PHTF2: variants seen among roughly 807,000 people sequenced by gnomAD.
PHTF2 encodes the protein putative homeodomain transcription factor 2, also known as protein PHTF2.
Under a neutral mutation model 101.2 loss-of-function variants are expected in PHTF2, and 60 were observed. The observed-to-expected ratio is 0.59, with a 90% CI of 0.48 to 0.73. The LOEUF (loss-of-function observed/expected upper bound fraction) is 0.73, where lower values mean the gene tolerates loss of function less well. Among genes scored for constraint, PHTF2 ranks in the 30% least tolerant of loss-of-function variants. PHTF2 has a pLI of 0.00. For missense variants in PHTF2, 747 were observed against 908.7 expected, an observed-to-expected ratio of 0.82 and a Z score of 2.29; for synonymous variants, 311 against 307.3, an observed-to-expected ratio of 1.01 and a Z score of -0.13.
At chr7:77,856,073 TA>T (rs1339642975) in intron 3 of PHTF2, among the ~76,000 whole-genome samples, 2 of 152,208 alleles carry the variant, frequency 1.3e-5, no homozygotes, top group African/African-American at 4.8e-5. Context: ...ATAACCTAAA[TA>T]TGATTTCTTG....
intron 2 of PHTF2, among the ~76,000 whole-genome samples, chr7:77,850,580 T>C (rs1796677398): frequency 6.9e-6 from 1 of 145,156 alleles, no homozygotes; most frequent in African/African-American, 2.6e-5. Context: ...AGATTGAGGC[T>C]GCAGTGGGCC....
At chr7:77,948,119 C>T (rs1202389192) in intron 16 of PHTF2, among the ~76,000 whole-genome samples, 1 of 151,906 alleles carries the variant, frequency 6.6e-6, no homozygotes, top group Non-Finnish European at 1.5e-5. Flanking sequence ...GGATTACAGG[C>T]GTGAGCCACT....
intron 3 of PHTF2, among the ~76,000 whole-genome samples, chr7:77,880,607 A>T (rs1427494057): frequency 1.3e-5 from 2 of 150,854 alleles, no homozygotes; most frequent in Non-Finnish European, 3.0e-5. Context: ...GACTCTCCTC[A>T]CCCCCACAAC....
intron 5 of PHTF2, among the ~76,000 whole-genome samples, chr7:77,897,340 G>GT (rs561338306): frequency 9.2e-4 from 128 of 139,280 alleles, no homozygotes; most frequent in African/African-American, 3.2e-3. Flanking sequence ...TACTTAGAGA[G>GT]TTTTTTTTAA....
At chr7:77,798,833 G>T (rs2150444325) in exon 1 of PHTF2, 1 of 152,556 alleles carries the variant, frequency 6.6e-6, no homozygotes, top group South Asian at 2.1e-4. Flanking sequence ...GGGAGAGGGG[G>T]TGGGGCAACC....
chr7:77,907,025 C>T (rs1343422091), intron 7 of PHTF2, among the ~76,000 whole-genome samples: 2 of 151,058 alleles, frequency 1.3e-5, no homozygotes, highest in Non-Finnish European at 2.9e-5. Flanking sequence ...ACATGCACTA[C>T]CTCACCTAAA....
chr7:77,905,006 T>A (rs1410448592), intron 7 of PHTF2, among the ~76,000 whole-genome samples: 2 of 152,196 alleles, frequency 1.3e-5, no homozygotes, highest in African/African-American at 4.8e-5. Context: ...TTAATTTTTT[T>A]AAAGCTTATC....
intron 17 of PHTF2, among the ~76,000 whole-genome samples, chr7:77,950,475 A>G (rs2150996093): frequency 6.6e-6 from 1 of 152,234 alleles, no homozygotes; most frequent in East Asian, 1.9e-4. Flanking sequence ...AGCCTGGCCA[A>G]CAAGGTGAAA....
At chr7:77,935,823 A>C (rs1805077427) in intron 12 of PHTF2, among the ~76,000 whole-genome samples, 1 of 152,192 alleles carries the variant, frequency 6.6e-6, no homozygotes. Context: ...GTTGGCTCTC[A>C]AGCTTAAACT....
chr7:77,812,029 A>G (rs772890307), intron 1 of PHTF2, among the ~76,000 whole-genome samples: 13 of 152,320 alleles, frequency 8.5e-5, no homozygotes, highest in East Asian at 7.7e-4. Flanking sequence ...TATAGCTCCA[A>G]TGTTTTGCAT....
intron 3 of PHTF2, among the ~76,000 whole-genome samples, chr7:77,855,860 G>A (rs1226199125): frequency 2.0e-5 from 3 of 152,196 alleles, no homozygotes; most frequent in African/African-American, 7.2e-5. Context: ...CTGGGAATGT[G>A]GGAGGGGTGG....
chr7:77,901,841 C>T, exon 7 of PHTF2: 1 of 1,598,442 alleles, frequency 6.3e-7, no homozygotes, highest in Non-Finnish European at 8.5e-7. Flanking sequence ...TTGTATTTTT[C>T]CCCTTTTTCT....
chr7:77,945,644 T>C (rs1805990349), intron 16 of PHTF2, among the ~76,000 whole-genome samples: 1 of 152,186 alleles, frequency 6.6e-6, no homozygotes, highest in African/African-American at 2.4e-5. Context: ...TATTAAACTG[T>C]AAACAGTTTA....
chr7:77,894,619 C>T (rs1395182432), intron 5 of PHTF2, among the ~76,000 whole-genome samples: 3 of 152,132 alleles, frequency 2.0e-5, no homozygotes, highest in East Asian at 3.9e-4. Context: ...GGATTAAGTC[C>T]TGGGACAGAA....
At chr7:77,883,452 G>T (rs1799573199) in intron 3 of PHTF2, among the ~76,000 whole-genome samples, 1 of 151,850 alleles carries the variant, frequency 6.6e-6, no homozygotes, top group Non-Finnish European at 1.5e-5. Context: ...TCACTATTTT[G>T]TTCAGTAACT....
intron 2 of PHTF2, among the ~76,000 whole-genome samples, chr7:77,840,953 G>GTACA (rs763278793): frequency 2.6e-4 from 40 of 151,050 alleles, no homozygotes; most frequent in Non-Finnish European, 5.5e-4. Flanking sequence ...GATCTTTTGT[G>GTACA]TACATAGTGG....
At chr7:77,817,634 G>T (rs1198617611) in intron 1 of PHTF2, among the ~76,000 whole-genome samples, 1 of 152,188 alleles carries the variant, frequency 6.6e-6, no homozygotes, top group East Asian at 1.9e-4. Context: ...GACACACGGG[G>T]ATTGTGGAAA....
At chr7:77,849,768 T>C (rs529676718) in intron 2 of PHTF2, among the ~76,000 whole-genome samples, 1 of 152,336 alleles carries the variant, frequency 6.6e-6, no homozygotes, top group East Asian at 1.9e-4. Context: ...TATCTGCAGC[T>C]ATTGTAAATG....
At chr7:77,947,833 C>CTTTTTTT (rs1428512079) in intron 16 of PHTF2, among the ~76,000 whole-genome samples, 17 of 43,202 alleles carry the variant, frequency 3.9e-4, no homozygotes, top group Admixed American at 7.7e-4. Context: ...TTTCTTTTTT[C>CTTTTTTT]TTTCTTTTTT....
Sources: gnomAD v4.1 joint callset for allele counts (sites outside exome capture counted in the v4.1 genomes callset) on GRCh38, gnomAD v4.1.1 for gene constraint, MANE v1.5 for transcripts, NCBI Gene and HGNC (gene_info 2026-07-23, HGNC 2026-07-21) for gene names.